Variants in MICALL2 observed in about 807,000 individuals in gnomAD.
MICALL2 encodes the protein MICAL like 2, also known as MICAL-like protein 2.
Under a neutral mutation model 91.1 loss-of-function variants are expected in MICALL2, and 111 were observed. The observed-to-expected ratio is 1.22, with a 90% CI of 1.04 to 1.43. The LOEUF is 1.43. MICALL2 is among the 40% of genes most tolerant of loss of function. The pLI is 0.00. For missense variants in MICALL2, 1,556 were observed against 1,236.0 expected, an observed-to-expected ratio of 1.26 and a Z score of -3.88; for synonymous variants, 694 against 525.3, an observed-to-expected ratio of 1.32 and a Z score of -4.39.
chr7:1,434,984 C>CCGGGGGG, intron 16 of MICALL2, 117 bp downstream of exon 16: 3 of 449,074 alleles, frequency 6.7e-6, no homozygotes, highest in Non-Finnish European at 7.7e-6. Flanking sequence ...ACCCGATACC[C>CCGGGGGG]GCCCCCCCCC....
At position 1,452,811 on chromosome 7, in the gene MICALL2, G is replaced by A. The variant is rs1487288404; in HGVS notation, c.144-2523C>T. On this transcript the variant is annotated intron_variant, in intron 1 of 16. Transcript: ENST00000297508. The surrounding 1 kb of genome is among the most constrained non-coding windows in gnomAD (Gnocchi z 6.2). ...GCGGCCTCAGGATGAGGTTCAAGCTGCATTCGGGGCGTTTGAGGCCTATTC... is the reference window on the plus strand; with the variant it reads ...GCGGCCTCAGGATGAGGTTCAAGCTACATTCGGGGCGTTTGAGGCCTATTC... Among the ~76,000 whole-genome samples, 1 of 152,140 alleles carries A rather than the reference G, an allele frequency of 6.6e-6. No homozygotes were observed. Among genetic ancestry groups the A allele is most frequent in the African/African-American group, 2.4e-5 (1 of 41,424 alleles).
At chr7:1,440,745 AGGGTGGCTGTGC>A (rs1780242348) in intron 7 of MICALL2, 61 bp from the exon 8 acceptor site, 2 of 1,438,158 alleles carry the variant, frequency 1.4e-6, no homozygotes, top group African/African-American at 2.8e-5. Flanking sequence ...GGTGTCTGCA[AGGGTGGCTGTGC>A]CTCCCCCTGC....
rs753367150 is a variant in MICALL2, at chr7:1,446,772, G to A, written c.582C>T (p.His194=). 9.1e-5 allele frequency: 147 copies of A among 1,608,344 alleles called. No homozygotes were observed. The Middle Eastern group carries it at 3.1e-3, about 34-fold the overall frequency. The change falls in exon 5 of 17, where the codon CAC becomes CAT. Residue 194 remains histidine (H), a synonymous_variant. Transcript: ENST00000297508. ...CCAGGTGCCGCTGTACCAGGTGCAC[G>A]TGCTTGCCGCAGACCCCGCAGGTGC... The part of the protein sequence containing the change: ...VSSTCGVCGK[H]VHLVQRHLAD...
intron 1 of MICALL2, among the ~76,000 whole-genome samples, chr7:1,450,711 G>A (rs1562466158): frequency 6.6e-6 from 1 of 152,216 alleles, no homozygotes; most frequent in South Asian, 2.1e-4. Context: ...GAGGACCACA[G>A]GGAACGGAGG....
intron 1 of MICALL2, among the ~76,000 whole-genome samples, chr7:1,458,541 G>A (rs1562472943): frequency 6.6e-6 from 1 of 152,248 alleles, no homozygotes; most frequent in East Asian, 1.9e-4. Flanking sequence ...TTCAGCAACG[G>A]GCAGGGCCAG....
At chr7:1,441,469 C>G (rs1206663275) in intron 7 of MICALL2, 1 of 153,094 alleles carries the variant, frequency 6.5e-6, no homozygotes, top group East Asian at 1.9e-4. Context: ...AGCCAGTTGC[C>G]TAGAAGAAAG....
At chr7:1,438,637 G>A (rs1417381528) in intron 10 of MICALL2, 17 of 1,422,914 alleles carry the variant, frequency 1.2e-5, no homozygotes, top group Admixed American at 5.8e-5. Context: ...ATCACCATGA[G>A]TCTGTAACAA....
chr7:1,457,239 T>C (rs1426183254), intron 1 of MICALL2, among the ~76,000 whole-genome samples: 1 of 152,178 alleles, frequency 6.6e-6, no homozygotes, highest in East Asian at 1.9e-4. Context: ...TCCAACCATG[T>C]GCTGGTATCT....
rs775000299 is a variant in MICALL2, at chr7:1,434,591, G to A, written c.*5C>T. On this transcript the variant is annotated 3_prime_UTR_variant, in exon 17 of 17. Transcript: ENST00000297508. ...TCCGGGCCGAGCCCACGGCCCTACT[G>A]GCTACTACTGGGAGGGGCTGCTTTT... The A allele has an allele frequency of 1.6e-5, 26 of 1,607,766 alleles. No individual in the cohort carries two copies. Among genetic ancestry groups the A allele is most frequent in the East Asian group, 2.2e-5 (1 of 44,862 alleles).
intron 1 of MICALL2, among the ~76,000 whole-genome samples, chr7:1,454,846 G>A (rs970961315): frequency 6.6e-6 from 1 of 152,148 alleles, no homozygotes; most frequent in Non-Finnish European, 1.5e-5. Context: ...CCACCCTTGG[G>A]AGCCACTGCT....
At position 1,440,299 on chromosome 7, in the gene MICALL2, G is replaced by A. The variant is rs377474066; in HGVS notation, c.1806-214C>T. 885 of 654,216 alleles carry A rather than the reference G, an allele frequency of 1.4e-3. 5 individuals carry two copies. The highest frequency in any genetic ancestry group is 3.6e-3 in the South Asian group (184 of 50,528). The allele number at this position is 654,216 out of a possible 1,614,324, so 40.5% of individuals were successfully genotyped here. A position where few individuals can be genotyped will look rare whatever the true frequency, so the allele number is the denominator to read the frequency against. On this transcript the variant is annotated intron_variant, in intron 8 of 16. Transcript: ENST00000297508. ...CCGTGGTGCGAAGCAGATTCCAGGC[G>A]TGAGCTCCGGGCCCCACGGGACCCA... is the stretch of plus-strand genomic sequence containing the variant.
rs1308588664 is a variant in MICALL2 at position 1,459,360 on chromosome 7, C to T, written c.-34G>A. 2.7e-6 allele frequency: 4 copies of T among 1,456,430 alleles called. No individual in the cohort carries two copies. Among genetic ancestry groups the T allele is most frequent in the Middle Eastern group, 2.0e-4 (1 of 5,038 alleles). The allele number at this position is 1,456,430 out of a possible 1,614,324, so 90.2% of individuals were successfully genotyped here. On this transcript the variant is annotated 5_prime_UTR_variant, in exon 1 of 17. Transcript: ENST00000297508. ...CGCGCCCGCCGCGCGGCGGAACCGC[C>T]CTCCGACACCTTCCCGCGGCTGTGC...
intron 6 of MICALL2, among the ~76,000 whole-genome samples, chr7:1,443,478 G>T (rs968750562): frequency 2.0e-5 from 3 of 152,208 alleles, no homozygotes; most frequent in Admixed American, 6.5e-5. Context: ...GTACTTGGTC[G>T]AATGGTGACC....
At chr7:1,450,619 T>C (rs1780791075) in intron 1 of MICALL2, 1 of 308,740 alleles carries the variant, frequency 3.2e-6, no homozygotes, top group Middle Eastern at 1.1e-3. Context: ...CCCAGGGCGG[T>C]TCAGCACAGC....
chr7:1,436,974 T>TG, intron 14 of MICALL2, 118 bp from the exon 15 acceptor site: 2 of 690,620 alleles, frequency 2.9e-6, no homozygotes, highest in South Asian at 2.2e-5. Context: ...GGTGGGGTCT[T>TG]GGGGGGATCC....
intron 13 of MICALL2, 80 bp downstream of exon 13, chr7:1,437,810 C>T (rs1780046999): frequency 2.6e-5 from 36 of 1,370,916 alleles, no homozygotes; most frequent in South Asian, 2.2e-4. Flanking sequence ...CCTGACTCTG[C>T]GCTCCTGTCC....
At chr7:1,436,164 C>G (rs1490008741) in intron 15 of MICALL2, among the ~76,000 whole-genome samples, 1 of 151,874 alleles carries the variant, frequency 6.6e-6, no homozygotes, top group Admixed American at 6.6e-5. Context: ...CCAAGGAGGG[C>G]AGATCACCTG....
rs772070246 is a variant in MICALL2 at position 1,442,304 on chromosome 7, C to CG, written c.1598dup (p.Ala534GlyfsTer31). 9 of 1,612,994 alleles carry CG rather than the reference C, an allele frequency of 5.6e-6. No individual in the cohort carries two copies. Among genetic ancestry groups the CG allele is most frequent in the African/African-American group, 1.3e-5 (1 of 74,926 alleles). ...ATTCCGCCAAGTTCCTCCTGCCTGC[C>CG]GGGGGCAACGCGGATGCCTGAGAGG... On this transcript the variant is annotated frameshift_variant, in exon 7 of 17. Transcript: ENST00000297508. LOFTEE classifies it high-confidence loss of function.
In MICALL2 at chr7:1,459,356, C is replaced by T. The variant is rs1781131458; in HGVS notation, c.-30G>A. Reference sequence around the variant, plus strand: ...GCGGCGCGCCCGCCGCGCGGCGGAACCGCCCTCCGACACCTTCCCGCGGCT... The same window carrying T: ...GCGGCGCGCCCGCCGCGCGGCGGAATCGCCCTCCGACACCTTCCCGCGGCT... On this transcript the variant is annotated 5_prime_UTR_variant, in exon 1 of 17. Transcript: ENST00000297508. 3 of 1,482,816 alleles carry T rather than the reference C, an allele frequency of 2.0e-6. No individual in the cohort carries two copies. The highest frequency in any genetic ancestry group is 2.7e-6 in the Non-Finnish European group (3 of 1,116,442). 91.9% of individuals were successfully genotyped at this position (1,482,816 alleles called of 1,614,324 possible).
Sources: allele counts gnomAD v4.1 joint callset (sites outside exome capture counted in the v4.1 genomes callset), GRCh38; gene constraint gnomAD v4.1.1; non-coding constraint Gnocchi (gnomAD v3.1); transcripts MANE v1.5; gene names NCBI Gene and HGNC (gene_info 2026-07-23, HGNC 2026-07-21).